Variants in NF1 observed in about 807,000 individuals in gnomAD.
NF1 encodes the protein neurofibromin 1, also known as neurofibromin.
NF1 carries 122 observed loss-of-function variants against 325.7 expected under a neutral mutation model. The ratio of observed to expected loss-of-function variants is 0.37; its 90% CI spans 0.32 to 0.44. The LOEUF is 0.44. Ranked by LOEUF, NF1 falls within the 20% of genes least tolerant of loss-of-function variation. NF1 has a pLI of 1.00. For synonymous variants in NF1, 1,091 were observed against 1,186.0 expected (o/e 0.92, Z 1.65); for missense variants, 2,140 against 3,415.4 (o/e 0.63, Z 9.31).
rs750754640 is a variant in NF1 at position 31,357,296 on chromosome 17, G to A, written c.7897G>A (p.Glu2633Lys). The change falls in exon 54 of 58, where the codon GAG becomes AAG. Residue 2633 changes from glutamate to lysine, a missense_variant. By Grantham distance (56) the Glu-to-Lys change is moderately conservative. Coordinates refer to ENST00000358273, the MANE Select transcript of NF1 (RefSeq NM_001042492.3). ...LATLVKYTTD[E>K]FDQRILYEYL... is the part of the protein sequence containing the mutation. ...TACACTGGTAAAATATACCACAGAT[G>A]AGTTTGATCAACGAATTCTTTATGA... The A allele has an allele frequency of 1.2e-6, 2 of 1,613,872 alleles. No homozygotes were observed. Among genetic ancestry groups the A allele is most frequent in the African/African-American group, 2.7e-5 (2 of 74,910 alleles).
chr17:31,337,525 G>A lies in NF1; in HGVS notation c.6585G>A (p.Glu2195=), dbSNP rs202151774. ...TCTCTCCTGGCTCCTATGAGAGAGA[G>A]ACTTTTGCTTTGACATCCTTGGAAA... ...RSFSPGSYER[E]TFALTSLETV... The change falls in exon 43 of 58, where the codon GAG becomes GAA. Residue 2195 remains glutamate (E), a synonymous_variant. Coordinates refer to ENST00000358273, the MANE Select transcript of NF1 (RefSeq NM_001042492.3). 5.0e-6 allele frequency: 8 copies of A among 1,614,116 alleles called. No individual in the cohort carries two copies. In the African/African-American group the frequency reaches 1.1e-4, roughly 22 times the overall value.
intron 25 of NF1, 73 bp downstream of exon 25, chr17:31,232,262 A>C: frequency 1.1e-6 from 1 of 899,758 alleles, no homozygotes; most frequent in Non-Finnish European, 1.9e-6. Flanking sequence ...AAAGCAAAGA[A>C]ATAATACCCA....
intron 2 of NF1, 70 bp downstream of exon 2, chr17:31,156,196 G>C (rs1597626233): frequency 6.4e-7 from 1 of 1,553,362 alleles, no homozygotes. Flanking sequence ...GTTTAGAACA[G>C]CATATTTTGA....
intron 20 of NF1, among the ~76,000 whole-genome samples, chr17:31,228,524 A>G (rs1322382160): frequency 6.6e-6 from 1 of 152,162 alleles, no homozygotes; most frequent in Admixed American, 6.5e-5. Flanking sequence ...GAGTTGTGCA[A>G]CCATCACCAC....
chr17:31,305,013 A>G (rs2068673345), intron 36 of NF1: 1 of 1,614,176 alleles, frequency 6.2e-7, no homozygotes, highest in Non-Finnish European at 8.5e-7. Context: ...TTGAATTATA[A>G]TTGTTTTTTT....
intron 36 of NF1, among the ~76,000 whole-genome samples, chr17:31,268,625 A>T (rs1176858220): frequency 7.9e-6 from 1 of 126,736 alleles, no homozygotes. Flanking sequence ...GACTCTGTCT[A>T]AAAAAAAAAA....
At chr17:31,136,426 C>T (rs1915787009) in intron 1 of NF1, 1 of 151,998 alleles carries the variant, frequency 6.6e-6, no homozygotes, top group Admixed American at 6.6e-5. Context: ...GTTTGTTGCC[C>T]ACAGTCAACT....
At chr17:31,280,836 T>C (rs2068105284) in intron 36 of NF1, among the ~76,000 whole-genome samples, 1 of 147,708 alleles carries the variant, frequency 6.8e-6, no homozygotes, top group South Asian at 2.1e-4. Context: ...CTTCGGGGAT[T>C]TTTTTTTTTT....
At chr17:31,218,363 G>T (rs2066859442) in intron 13 of NF1, among the ~76,000 whole-genome samples, 1 of 152,054 alleles carries the variant, frequency 6.6e-6, no homozygotes, top group South Asian at 2.1e-4. Flanking sequence ...AACAAGTATA[G>T]ATGTGGATTA....
intron 40 of NF1, among the ~76,000 whole-genome samples, chr17:31,335,871 T>C (rs2069654921): frequency 6.6e-6 from 1 of 150,424 alleles, no homozygotes; most frequent in Non-Finnish European, 1.5e-5. Flanking sequence ...TTTTTTTTTT[T>C]TTTAGAGATA....
intron 1 of NF1, among the ~76,000 whole-genome samples, chr17:31,100,970 G>C (rs1181298942): frequency 1.3e-5 from 2 of 152,100 alleles, no homozygotes; most frequent in African/African-American, 4.8e-5. Flanking sequence ...TAGTCTTTAT[G>C]TTGGCTGCTT....
chr17:31,249,958 C>G (rs1170390185), intron 30 of NF1: 2 of 489,800 alleles, frequency 4.1e-6, no homozygotes, highest in Admixed American at 2.3e-5. Flanking sequence ...TTTGCAGAGT[C>G]ATCGCAGCCA....
chr17:31,230,475 A>G lies in NF1; in HGVS notation c.3113+93A>G, dbSNP rs1389068366. On this transcript the variant is annotated intron_variant, in intron 23 of 57. Coordinates refer to ENST00000358273, the MANE Select transcript of NF1 (RefSeq NM_001042492.3). Reference sequence around the variant, plus strand: ...AGTAGATATGCGGTTATTGGTAGAAAGGAGGACATGAAAAGAGAGCAATTT... The same window carrying G: ...AGTAGATATGCGGTTATTGGTAGAAGGGAGGACATGAAAAGAGAGCAATTT... The G allele has an allele frequency of 2.0e-6, 3 of 1,480,962 alleles. No homozygotes were observed. In the African/African-American group the frequency reaches 4.2e-5, roughly 21 times the overall value. The allele number at this position is 1,480,962 out of a possible 1,614,324, so 91.7% of individuals were successfully genotyped here.
chr17:31,218,879 A>T, intron 13 of NF1, 126 bp from the exon 14 acceptor site: 1 of 990,502 alleles, frequency 1.0e-6, no homozygotes, highest in Non-Finnish European at 1.5e-6. Flanking sequence ...GCCTAGTTCT[A>T]GAACATTGTT....
intron 36 of NF1, among the ~76,000 whole-genome samples, chr17:31,288,470 G>A (rs1248919185): frequency 3.3e-5 from 5 of 150,200 alleles, no homozygotes; most frequent in Non-Finnish European, 7.4e-5. Flanking sequence ...CCTTTCTCTA[G>A]AATTGTTCCA....
intron 36 of NF1, among the ~76,000 whole-genome samples, chr17:31,289,624 T>C (rs1567876413): frequency 6.6e-6 from 1 of 152,178 alleles, no homozygotes; most frequent in Non-Finnish European, 1.5e-5. Context: ...GTTTTCCACA[T>C]TTCACACTTT....
At chr17:31,342,932 G>T in intron 47 of NF1, 77 bp from the exon 48 acceptor site, 1 of 1,556,054 alleles carries the variant, frequency 6.4e-7, no homozygotes. Flanking sequence ...TCATACTATT[G>T]AACACAAAAT....
chr17:31,251,432 A>G (rs1181921695), intron 30 of NF1: 1 of 197,562 alleles, frequency 5.1e-6, no homozygotes, highest in African/African-American at 2.3e-5. Context: ...TTCCTTCCTT[A>G]GTTGACTGGA....
At chr17:31,288,522 GTTTTT>G (rs200926157) in intron 36 of NF1, among the ~76,000 whole-genome samples, 1 of 119,666 alleles carries the variant, frequency 8.4e-6, no homozygotes, top group Non-Finnish European at 1.9e-5. Context: ...TTTTTGCTTT[GTTTTT>G]TTTTTTTTTT....
Sources: gnomAD v4.1 joint callset for allele counts (sites outside exome capture counted in the v4.1 genomes callset) on GRCh38, gnomAD v4.1.1 for gene constraint, MANE v1.5 for transcripts, NCBI Gene and HGNC (gene_info 2026-07-23, HGNC 2026-07-21) for gene names.